APC: variants seen among roughly 807,000 people sequenced by gnomAD.
APC encodes the protein APC regulator of Wnt signaling pathway.
APC carries 72 observed loss-of-function variants against 247.0 expected under a neutral mutation model. The ratio of observed to expected loss-of-function variants is 0.29; its 90% CI spans 0.24 to 0.35. APC has a LOEUF of 0.35. Ranked by LOEUF, APC falls within the 10% of genes least tolerant of loss-of-function variation. APC has a pLI of 1.00. For missense variants in APC, 3,400 were observed against 3,360.7 expected (o/e 1.01, Z -0.29); for synonymous variants, 1,254 against 1,162.5 (o/e 1.08, Z -1.60).
chr5:112,742,044 T>A (rs959561708), intron 1 of APC, among the ~76,000 whole-genome samples: 12 of 152,324 alleles, frequency 7.9e-5, no homozygotes, highest in African/African-American at 2.6e-4. Context: ...TCAGGTTGTT[T>A]CCACCTTTTG....
chr5:112,837,447 G>A, intron 15 of APC, 106 bp from the exon 16 acceptor site: 1 of 778,166 alleles, frequency 1.3e-6, no homozygotes, highest in Non-Finnish European at 2.1e-6. Flanking sequence ...GAATTTATAG[G>A]ATAATTGGTA....
intron 14 of APC, among the ~76,000 whole-genome samples, chr5:112,834,071 T>C (rs1764598481): frequency 1.3e-5 from 2 of 151,864 alleles, no homozygotes; most frequent in Non-Finnish European, 2.9e-5. Flanking sequence ...CCCAAGCAGC[T>C]GTGACTGCAG....
rs757157018 is a variant in APC at position 112,827,962 on chromosome 5, G to T, written c.1582G>T (p.Ala528Ser). The change falls in exon 13 of 16, where the codon GCA becomes TCA. Residue 528 changes from alanine to serine, a missense_variant. Physicochemically the swap from Ala to Ser is moderately conservative, Grantham distance 99 (BLOSUM62 1). Transcript: ENST00000257430. ...TLCSMKGCMR[A>S]LVAQLKSESE... ...ATGCTCTATGAAAGGCTGCATGAGAGCACTTGTGGCCCAACTAAAATCTGA... is the reference window on the plus strand; with the variant it reads ...ATGCTCTATGAAAGGCTGCATGAGATCACTTGTGGCCCAACTAAAATCTGA... 2 of 1,613,292 alleles carry T rather than the reference G, an allele frequency of 1.2e-6. No individual in the cohort carries two copies. Among genetic ancestry groups the T allele is most frequent in the African/African-American group, 2.7e-5 (2 of 75,024 alleles).
rs2149640117 is a variant in APC at position 112,780,853 on chromosome 5, G to A, written c.595G>A (p.Ala199Thr). 1.9e-6 allele frequency: 3 copies of A among 1,613,462 alleles called. No individual in the cohort carries two copies. Among genetic ancestry groups the A allele is most frequent in the Non-Finnish European group, 2.5e-6 (3 of 1,179,560 alleles). ...LEYEARQIRV[A>T]MEEQLGTCQD... ...ATATGAAGCAAGGCAAATCAGAGTT[G>A]CGATGGAAGAACAACTAGGTACCTG... The change falls in exon 6 of 16, where the codon GCG (alanine) becomes ACG (threonine). Residue 199 changes from alanine (A) to threonine (T), a missense_variant. Ala to Thr is a moderately conservative substitution (Grantham distance 58). This residue lies in a region of APC where 372 missense variants were observed against 367.6 expected (regional missense o/e 1.01). Coordinates refer to ENST00000257430, the MANE Select transcript of APC (RefSeq NM_000038.6).
At chr5:112,762,632 A>G (rs1231485015) in intron 2 of APC, among the ~76,000 whole-genome samples, 2 of 152,236 alleles carry the variant, frequency 1.3e-5, no homozygotes, top group African/African-American at 2.4e-5. Context: ...ATGAAGGTCA[A>G]GAGCATGCCA....
At chr5:112,800,561 AT>A (rs1321444998) in intron 7 of APC, among the ~76,000 whole-genome samples, 1 of 152,130 alleles carries the variant, frequency 6.6e-6, no homozygotes, top group Admixed American at 6.5e-5. Context: ...TATTTTAGAT[AT>A]TTTTTTCCTA....
intron 11 of APC, among the ~76,000 whole-genome samples, chr5:112,825,065 T>C (rs965511427): frequency 6.6e-6 from 1 of 152,210 alleles, no homozygotes; most frequent in Non-Finnish European, 1.5e-5. Context: ...ATCTTTCCCA[T>C]CCCTGAATCT....
At chr5:112,792,307 A>G in intron 6 of APC, 139 bp from the exon 7 acceptor site, 1 of 562,320 alleles carries the variant, frequency 1.8e-6, no homozygotes, top group Non-Finnish European at 3.1e-6. Context: ...TTAAAGGGTG[A>G]ATATATTTAT....
Position 112,707,831 on chromosome 5 carries a change from G to A in APC, c.114G>A (p.Thr38=), listed in dbSNP as rs761467156. Residue 38 remains threonine, a synonymous_variant, in exon 1 of 14, where the codon ACG becomes ACA. Transcript: ENST00000507379. ...GCAGGAGCTGCGTCCGGCAGGAGAC[G>A]AAGAGCCCGGGCGGCGCTCGTACTT... The A allele has an allele frequency of 2.8e-5, 38 of 1,370,426 alleles. No homozygotes were observed. Among genetic ancestry groups the A allele is most frequent in the Non-Finnish European group, 3.4e-5 (35 of 1,038,756 alleles). The allele number at this position is 1,370,426 out of a possible 1,614,324, so 84.9% of individuals were successfully genotyped here.
chr5:112,844,285 T>G lies in APC; in HGVS notation c.*159T>G. 4 of 702,498 alleles carry G rather than the reference T, an allele frequency of 5.7e-6. No homozygotes were observed. The highest frequency in any genetic ancestry group is 9.2e-6 in the Non-Finnish European group (4 of 434,888). 43.5% of individuals were successfully genotyped at this position (702,498 alleles called of 1,614,324 possible). A position where few individuals can be genotyped will look rare whatever the true frequency, so the allele number is the denominator to read the frequency against. ...CTGGAAGCCATATTTGATAGTATACTTTGTCTTCACTGGTCTTATTTTGGG... is the reference window on the plus strand; with the variant it reads ...CTGGAAGCCATATTTGATAGTATACGTTGTCTTCACTGGTCTTATTTTGGG... On this transcript the variant is annotated 3_prime_UTR_variant, in exon 16 of 16. Transcript: ENST00000257430.
chr5:112,734,154 C>G (rs1752244203), upstream of APC, among the ~76,000 whole-genome samples: 1 of 152,142 alleles, frequency 6.6e-6, no homozygotes, highest in Non-Finnish European at 1.5e-5. Context: ...GCTTATGCCA[C>G]TGCACTCCAG....
intron 4 of APC, among the ~76,000 whole-genome samples, chr5:112,767,909 A>G (rs1433007837): frequency 6.6e-6 from 1 of 152,218 alleles, no homozygotes; most frequent in Non-Finnish European, 1.5e-5. Context: ...TTATATTTAT[A>G]CGTAGTTAAA....
Position 112,843,158 on chromosome 5 carries a change from C to A in APC, c.7564C>A (p.Pro2522Thr), listed in dbSNP as rs371149405. The A allele has an allele frequency of 1.9e-5, 31 of 1,613,608 alleles. No homozygotes were observed. Among genetic ancestry groups the A allele is most frequent in the African/African-American group, 2.7e-5 (2 of 74,906 alleles). Residue 2522 changes from proline (P) to threonine (T), a missense_variant, in exon 16 of 16, where the codon CCA (proline) becomes ACA (threonine). Physicochemically the swap from Pro to Thr is conservative, Grantham distance 38. Transcript: ENST00000257430. This position sits in a 1 kb window ranked among gnomAD's most constrained non-coding sequence, Gnocchi z 4.8. ...SPTIEYNDGR[P>T]AKRHDIARSH... ...CACTATAGAGTATAATGATGGAAGA[C>A]CAGCAAAGCGCCATGATATTGCACG...
chr5:112,836,842 A>G (rs1313217644), intron 15 of APC, among the ~76,000 whole-genome samples: 1 of 151,858 alleles, frequency 6.6e-6, no homozygotes, highest in African/African-American at 2.4e-5. Context: ...CTGGGACTAC[A>G]GGCATGCACT....
intron 2 of APC, 81 bp downstream of exon 2, chr5:112,755,106 TACTTA>T (rs1754815238): frequency 1.3e-6 from 2 of 1,578,354 alleles, no homozygotes; most frequent in Non-Finnish European, 1.7e-6. Flanking sequence ...TAAGACACTT[TACTTA>T]AAAGTGTATT....
Position 112,844,131 on chromosome 5 carries a change from G to C in APC, c.*5G>C, listed in dbSNP as rs1766773164. ...TACCTTGTGACATCTGTTTAAAAGAGAGGAAGAATGAAACTAAGAAAATTC... is the reference window on the plus strand; with the variant it reads ...TACCTTGTGACATCTGTTTAAAAGACAGGAAGAATGAAACTAAGAAAATTC... On this transcript the variant is annotated 3_prime_UTR_variant, in exon 16 of 16. Coordinates refer to ENST00000257430, the MANE Select transcript of APC (RefSeq NM_000038.6). 1.9e-6 allele frequency: 3 copies of C among 1,606,140 alleles called. No homozygotes were observed. The highest frequency in any genetic ancestry group is 8.5e-7 in the Non-Finnish European group (1 of 1,173,166).
intron 1 of APC, among the ~76,000 whole-genome samples, chr5:112,709,164 C>T (rs568388644): frequency 1.3e-5 from 2 of 152,160 alleles, no homozygotes; most frequent in African/African-American, 2.4e-5. Context: ...TAGATGTTCT[C>T]CAAAGTTGTT....
chr5:112,757,416 T>C (rs1234079481), intron 2 of APC, among the ~76,000 whole-genome samples: 1 of 152,068 alleles, frequency 6.6e-6, no homozygotes, highest in African/African-American at 2.4e-5. Flanking sequence ...CGTTTCCTGT[T>C]CATTAATCTC....
At chr5:112,717,908 C>CTTTTTCTTTTTTTTTTTT (rs1751264440) in intron 1 of APC, among the ~76,000 whole-genome samples, 5 of 40,634 alleles carry the variant, frequency 1.2e-4, no homozygotes, top group Admixed American at 4.3e-4. Context: ...TTTTCTTTTT[C>CTTTTTCTTTTTTTTTTTT]TTTTTTTTTT....
Sources: gnomAD v4.1 joint callset for allele counts (sites outside exome capture counted in the v4.1 genomes callset) on GRCh38, gnomAD v4.1.1 for gene constraint, gnomAD v4.1.1 regional missense constraint, Gnocchi (gnomAD v3.1) non-coding constraint, MANE v1.5 for transcripts, NCBI Gene and HGNC (gene_info 2026-07-23, HGNC 2026-07-21) for gene names.